The following PCDHGA3 variants were observed in gnomAD, a reference collection of about 807,000 sequenced individuals.
The protein encoded by PCDHGA3 is protocadherin gamma subfamily A, 3, also known as protocadherin gamma-A3.
Under a neutral mutation model 58.5 loss-of-function variants are expected in PCDHGA3, and 40 were observed. The ratio of observed to expected loss-of-function variants is 0.68; its 90% CI spans 0.53 to 0.89. PCDHGA3 has a LOEUF of 0.89. Among genes scored for constraint, PCDHGA3 ranks in the 40% least tolerant of loss-of-function variants. PCDHGA3 has a pLI of 0.00. For missense variants in PCDHGA3, 1,223 were observed against 1,195.9 expected (o/e 1.02, Z -0.33); for synonymous variants, 530 against 525.7 (o/e 1.01, Z -0.11).
At chr5:141,355,477 G>A in intron 1 of PCDHGA3, 1 of 1,614,072 alleles carries the variant, frequency 6.2e-7, no homozygotes, top group Non-Finnish European at 8.5e-7. Context: ...GATAGACAGG[G>A]AGGAGCTCTG....
At chr5:141,447,824 G>A (rs926580893) in intron 1 of PCDHGA3, among the ~76,000 whole-genome samples, 7 of 152,034 alleles carry the variant, frequency 4.6e-5, no homozygotes, top group Admixed American at 1.3e-4. Flanking sequence ...GGTGGCTCAC[G>A]CCTGTAATCC....
Position 141,477,200 on chromosome 5 carries a change from C to T in PCDHGA3, c.2425-17607C>T. ...AGTCACCTCCGTGTACAGCCCAGTACCCGAGGATGCCCCTCTGGGGACTGT... is the reference window on the plus strand; with the variant it reads ...AGTCACCTCCGTGTACAGCCCAGTATCCGAGGATGCCCCTCTGGGGACTGT... On this transcript the variant is annotated intron_variant, in intron 1 of 3. Transcript: ENST00000253812. This position sits in a 1 kb window ranked among gnomAD's most constrained non-coding sequence, Gnocchi z 4.9. The T allele has an allele frequency of 1.2e-6, 2 of 1,614,206 alleles. No individual in the cohort carries two copies. The highest frequency in any genetic ancestry group is 1.3e-5 in the African/African-American group (1 of 75,056).
chr5:141,361,036 A>G (rs778660154), intron 1 of PCDHGA3: 4 of 1,613,510 alleles, frequency 2.5e-6, no homozygotes, highest in Non-Finnish European at 3.4e-6. Flanking sequence ...AACAGGAGAA[A>G]TCACGACAAA....
intron 1 of PCDHGA3, chr5:141,385,151 A>T: frequency 6.2e-7 from 1 of 1,614,224 alleles, no homozygotes; most frequent in Non-Finnish European, 8.5e-7. Context: ...GCTTTCCTGC[A>T]GACCTATTCC....
Position 141,487,226 on chromosome 5 carries a change from G to A in PCDHGA3, c.2425-7581G>A. ...TCGAGAATCTTCAGCTCCAAGGGAA[G>A]GAGAATCTCGTCTAACCCTCTACTT... is the stretch of plus-strand genomic sequence containing the variant. On this transcript the variant is annotated intron_variant, in intron 1 of 3. Transcript: ENST00000253812. This position sits in a 1 kb window ranked among gnomAD's most constrained non-coding sequence, Gnocchi z 5.0. The A allele has an allele frequency of 6.2e-7, 1 of 1,614,104 alleles. No individual in the cohort carries two copies. Among genetic ancestry groups the A allele is most frequent in the South Asian group, 1.1e-5 (1 of 91,074 alleles).
chr5:141,420,191 CAAGAT>C, intron 1 of PCDHGA3: 1 of 1,613,720 alleles, frequency 6.2e-7, no homozygotes, highest in Non-Finnish European at 8.5e-7. Context: ...TCCAGCCACA[CAAGAT>C]AACCTCAACA....
At chr5:141,461,281 C>T (rs1305044383) in intron 1 of PCDHGA3, among the ~76,000 whole-genome samples, 1 of 152,050 alleles carries the variant, frequency 6.6e-6, no homozygotes, top group Non-Finnish European at 1.5e-5. Flanking sequence ...CTCTTTTCCC[C>T]ACATCCACAC....
Position 141,487,341 on chromosome 5 carries a change from TC to T in PCDHGA3, c.2425-7465del, listed in dbSNP as rs778559139. Reference sequence around the variant, plus strand: ...TGTCTTCGTGGGGCAGCCTGTGGAGTCACATGCTTTCCTGCTGGCACCTGTG... The same window carrying T: ...TGTCTTCGTGGGGCAGCCTGTGGAGTACATGCTTTCCTGCTGGCACCTGTG... On this transcript the variant is annotated intron_variant, in intron 1 of 3. Transcript: ENST00000253812. This position sits in a 1 kb window ranked among gnomAD's most constrained non-coding sequence, Gnocchi z 5.0. 1 of 1,614,012 alleles carries T rather than the reference TC, an allele frequency of 6.2e-7. No homozygotes were observed. The highest frequency in any genetic ancestry group is 1.1e-5 in the South Asian group (1 of 91,074).
At chr5:141,353,115 C>A (rs1759192459) in intron 1 of PCDHGA3, among the ~76,000 whole-genome samples, 4 of 152,014 alleles carry the variant, frequency 2.6e-5, no homozygotes, top group South Asian at 2.1e-4. Context: ...ATGGAGATTG[C>A]TTTCTTGATT....
rs775963212 is a variant in PCDHGA3, at chr5:141,485,463, G to T, written c.2425-9344G>T. ...CCAATCGACCGAGAGGCACTGTGTG[G>T]GCTCAGTGCCAGCTGCATCGTGCCC... On this transcript the variant is annotated intron_variant, in intron 1 of 3. Coordinates refer to ENST00000253812, the MANE Select transcript of PCDHGA3 (RefSeq NM_018916.4). The surrounding 1 kb of genome is among the most constrained non-coding windows in gnomAD (Gnocchi z 5.7). The T allele has an allele frequency of 1.2e-6, 2 of 1,614,086 alleles. No individual in the cohort carries two copies. The highest frequency in any genetic ancestry group is 3.3e-5 in the Admixed American group (2 of 60,026).
In PCDHGA3 at chr5:141,432,365, G is replaced by A. The variant is rs1561860587; in HGVS notation, c.2425-62442G>A. The A allele has an allele frequency of 6.2e-7, 1 of 1,614,224 alleles. No homozygotes were observed. The highest frequency in any genetic ancestry group is 2.2e-5 in the East Asian group (1 of 44,882). ...CTTGCAAGTGAAAGTGATGGCGCGG[G>A]ACAACGGGCACCCGCCCCTCAGCAG... On this transcript the variant is annotated intron_variant, in intron 1 of 3. Transcript: ENST00000253812. The surrounding 1 kb of genome is among the most constrained non-coding windows in gnomAD (Gnocchi z 6.0).
chr5:141,407,981 C>G, intron 1 of PCDHGA3: 4 of 770,010 alleles, frequency 5.2e-6, no homozygotes, highest in Non-Finnish European at 7.8e-6. Flanking sequence ...GCCGGGGATC[C>G]GTCAGCCTCT....
intron 1 of PCDHGA3, chr5:141,408,147 A>G (rs1357143790): frequency 6.7e-7 from 1 of 1,503,488 alleles, no homozygotes; most frequent in Non-Finnish European, 8.9e-7. Context: ...TTAGCGCGGT[A>G]GAGTGCACTT....
chr5:141,420,089 A>G lies in PCDHGA3; in HGVS notation c.2424+73632A>G. On this transcript the variant is annotated intron_variant, in intron 1 of 3. Transcript: ENST00000253812. The stretch of plus-strand genomic sequence containing the variant: ...CGGACCTGTGGGTCCCCCCAACTAC[A>G]GTGAGGGAACGTTGCCCTATGCCTA... 2.5e-6 allele frequency: 4 copies of G among 1,613,986 alleles called. No individual in the cohort carries two copies. Among genetic ancestry groups the G allele is most frequent in the Middle Eastern group, 1.6e-4 (1 of 6,062 alleles).
chr5:141,460,961 ATG>A (rs35821115), intron 1 of PCDHGA3, among the ~76,000 whole-genome samples: 22,194 of 144,260 alleles, frequency 0.15, 1,877 homozygotes, highest in South Asian at 0.27. Context: ...GTATATATAT[ATG>A]TGTGTGTGTG....
Position 141,485,609 on chromosome 5 carries a change from G to C in PCDHGA3, c.2425-9198G>C, listed in dbSNP as rs1432367043. On this transcript the variant is annotated intron_variant, in intron 1 of 3. Coordinates refer to ENST00000253812, the MANE Select transcript of PCDHGA3 (RefSeq NM_018916.4). The surrounding 1 kb of genome is among the most constrained non-coding windows in gnomAD (Gnocchi z 5.7). ...GCTGGACTTGGAAATTGGGGAGGCA[G>C]CTCCTCCAGGACAGCGTTTCCCGTT... The C allele has an allele frequency of 1.2e-6, 2 of 1,612,138 alleles. No homozygotes were observed. Among genetic ancestry groups the C allele is most frequent in the Non-Finnish European group, 1.7e-6 (2 of 1,178,664 alleles).
chr5:141,366,580 G>A (rs759906003), intron 1 of PCDHGA3: 19 of 1,614,132 alleles, frequency 1.2e-5, no homozygotes, highest in Non-Finnish European at 4.2e-6. Context: ...GGGCTTTCCT[G>A]CAGACCTATT....
chr5:141,344,520 G>A lies in PCDHGA3; in HGVS notation c.487G>A (p.Gly163Ser), dbSNP rs1757429444. Reference protein sequence around the residue: ...PIKTAFDPDVGINSLQNYKLS... With the variant: ...PIKTAFDPDVSINSLQNYKLS... ...TAAAACTGCTTTTGACCCAGATGTA[G>A]GCATTAACTCCCTGCAGAACTACAA... Residue 163 changes from glycine to serine, a missense_variant, in exon 1 of 4, where the codon GGC (glycine) becomes AGC (serine). This residue lies in a region of PCDHGA3 where 791 missense variants were observed against 708.5 expected (regional missense o/e 1.12). Transcript: ENST00000253812. 2 of 1,613,996 alleles carry A rather than the reference G, an allele frequency of 1.2e-6. No individual in the cohort carries two copies. The highest frequency in any genetic ancestry group is 1.7e-6 in the Non-Finnish European group (2 of 1,179,902).
At chr5:141,439,571 G>T (rs1010967112) in intron 1 of PCDHGA3, among the ~76,000 whole-genome samples, 4 of 152,154 alleles carry the variant, frequency 2.6e-5, no homozygotes, top group Non-Finnish European at 4.4e-5. Flanking sequence ...CTAGAGTAGG[G>T]ACTCAGAGTG....
Sources: allele counts gnomAD v4.1 joint callset (sites outside exome capture counted in the v4.1 genomes callset), GRCh38; gene constraint gnomAD v4.1.1; regional missense constraint gnomAD v4.1.1; non-coding constraint Gnocchi (gnomAD v3.1); transcripts MANE v1.5; gene names NCBI Gene and HGNC (gene_info 2026-07-23, HGNC 2026-07-21).